ITGA11: variants seen among roughly 807,000 people sequenced by gnomAD.
ITGA11 encodes the protein integrin subunit alpha 11, also known as integrin alpha-11.
Under a neutral mutation model 141.9 loss-of-function variants are expected in ITGA11, and 97 were observed. That is an observed-to-expected ratio of 0.68 (90% CI 0.58 to 0.81). The LOEUF is 0.81. ITGA11 is among the 30% of genes least tolerant of loss of function. ITGA11 has a pLI of 0.00. For missense variants in ITGA11, 1,387 were observed against 1,559.2 expected, an observed-to-expected ratio of 0.89 and a Z score of 1.86; for synonymous variants, 658 against 624.6, an observed-to-expected ratio of 1.05 and a Z score of -0.80.
intron 1 of ITGA11, among the ~76,000 whole-genome samples, chr15:68,425,254 C>T (rs1039326829): frequency 2.0e-5 from 3 of 152,298 alleles, no homozygotes; most frequent in Non-Finnish European, 2.9e-5. Context: ...TGGCTGAGGG[C>T]CTCATGTTCA....
chr15:68,348,629 C>T (rs1042916279), intron 10 of ITGA11, among the ~76,000 whole-genome samples: 6 of 152,176 alleles, frequency 3.9e-5, no homozygotes, highest in Admixed American at 1.3e-4. Flanking sequence ...CTTAAGACAA[C>T]ATAAATAGGT....
intron 1 of ITGA11, among the ~76,000 whole-genome samples, chr15:68,426,462 TGGGGAGA>T (rs748213568): frequency 6.6e-6 from 1 of 151,756 alleles, no homozygotes; most frequent in Non-Finnish European, 1.5e-5. Context: ...CTGAGCTGGG[TGGGGAGA>T]GGGGAGAGGG....
chr15:68,397,331 T>TATA (rs1404290599), intron 2 of ITGA11, among the ~76,000 whole-genome samples: 1 of 33,036 alleles, frequency 3.0e-5, no homozygotes, highest in African/African-American at 1.6e-4. Context: ...TTATATATTA[T>TATA]TTATTATATA....
chr15:68,336,356 G>T (rs1043427096), intron 11 of ITGA11, among the ~76,000 whole-genome samples: 1 of 152,146 alleles, frequency 6.6e-6, no homozygotes, highest in Non-Finnish European at 1.5e-5. Context: ...GAAGGAGTTG[G>T]TCTGCTTCAG....
intron 18 of ITGA11, among the ~76,000 whole-genome samples, chr15:68,323,206 G>A (rs1168274059): frequency 6.6e-6 from 1 of 152,170 alleles, no homozygotes; most frequent in South Asian, 2.1e-4. Flanking sequence ...GGTAGCCAGC[G>A]AAGCCATATC....
At chr15:68,357,572 T>C (rs1302197539) in intron 6 of ITGA11, among the ~76,000 whole-genome samples, 1 of 152,164 alleles carries the variant, frequency 6.6e-6, no homozygotes, top group African/African-American at 2.4e-5. Flanking sequence ...TATGCTTCTT[T>C]CTTAGGAAAA....
Position 68,328,528 on chromosome 15 carries a change from C to T in ITGA11, c.1902-266G>A, listed in dbSNP as rs1380563729. On this transcript the variant is annotated intron_variant, in intron 15 of 29. Transcript: ENST00000315757. This position sits in a 1 kb window ranked among gnomAD's most constrained non-coding sequence, Gnocchi z 4.8. Reference sequence around the variant, plus strand: ...AGCACTTTCCCCGAGGGGCTGTGCTCGCTGTGGATCATGCTGACTTCCCTT... The same window carrying T: ...AGCACTTTCCCCGAGGGGCTGTGCTTGCTGTGGATCATGCTGACTTCCCTT... Among the ~76,000 whole-genome samples, 4 of 152,230 alleles carry T rather than the reference C, an allele frequency of 2.6e-5. No individual in the cohort carries two copies. In the South Asian group the frequency reaches 8.3e-4, roughly 32 times the overall value.
At chr15:68,363,703 C>T (rs948020059) in intron 4 of ITGA11, among the ~76,000 whole-genome samples, 10 of 152,192 alleles carry the variant, frequency 6.6e-5, no homozygotes, top group Non-Finnish European at 1.3e-4. Context: ...TCCTCTCCTG[C>T]AACTGTTTCT....
chr15:68,338,124 G>T (rs538089183), intron 11 of ITGA11, among the ~76,000 whole-genome samples: 1 of 152,242 alleles, frequency 6.6e-6, no homozygotes, highest in Non-Finnish European at 1.5e-5. Context: ...CCCCTTCTTT[G>T]GTTTCCTCAC....
chr15:68,328,157 C>G lies in ITGA11; in HGVS notation c.2007G>C (p.Leu669=). 6.2e-7 allele frequency: 1 copy of G among 1,613,754 alleles called. No homozygotes were observed. ...CKRSGRDATC[L]AAFLCFTPIF... is the part of the protein sequence containing the mutation. Reference sequence around the variant, plus strand: ...TGGGCGTGAAGCAGAGGAAGGCGGCCAGGCAGGTGGCATCCCTGCCACTGC... The same window carrying G: ...TGGGCGTGAAGCAGAGGAAGGCGGCGAGGCAGGTGGCATCCCTGCCACTGC... Residue 669 remains leucine, a synonymous_variant, in exon 16 of 30, where the codon CTG becomes CTC. Transcript: ENST00000315757. This position sits in a 1 kb window ranked among gnomAD's most constrained non-coding sequence, Gnocchi z 4.8.
chr15:68,319,705 G>C (rs953945776), intron 20 of ITGA11, among the ~76,000 whole-genome samples: 1 of 152,168 alleles, frequency 6.6e-6, no homozygotes, highest in Non-Finnish European at 1.5e-5. Context: ...TGGCACATGC[G>C]TGGTGTGTGT....
At chr15:68,416,497 C>G (rs1372859045) in intron 1 of ITGA11, among the ~76,000 whole-genome samples, 6 of 152,160 alleles carry the variant, frequency 3.9e-5, no homozygotes, top group Non-Finnish European at 2.9e-5. Context: ...AGATGTCAAG[C>G]TCAAGGAAAA....
chr15:68,357,318 G>T lies in ITGA11; in HGVS notation c.601-19C>A. Reference sequence around the variant, plus strand: ...CTCCAACCTGCAAGGGAGAGGAGAGGGCAACAGAACATTTTGACCCCATGA... The same window carrying T: ...CTCCAACCTGCAAGGGAGAGGAGAGTGCAACAGAACATTTTGACCCCATGA... On this transcript the variant is annotated intron_variant, in intron 6 of 29. Coordinates refer to ENST00000315757, the MANE Select transcript of ITGA11 (RefSeq NM_001004439.2). The T allele has an allele frequency of 6.2e-7, 1 of 1,604,490 alleles. No individual in the cohort carries two copies. Among genetic ancestry groups the T allele is most frequent in the Non-Finnish European group, 8.5e-7 (1 of 1,176,180 alleles).
chr15:68,360,138 G>A (rs1895195028), intron 5 of ITGA11, among the ~76,000 whole-genome samples: 1 of 152,140 alleles, frequency 6.6e-6, no homozygotes, highest in African/African-American at 2.4e-5. Context: ...TGACACTCCT[G>A]GCCTGGCAGA....
At chr15:68,415,846 C>T (rs535949387) in intron 1 of ITGA11, among the ~76,000 whole-genome samples, 1 of 152,302 alleles carries the variant, frequency 6.6e-6, no homozygotes, top group Non-Finnish European at 1.5e-5. Context: ...GATGTGGATG[C>T]TCAGAAAGAG....
chr15:68,405,922 A>C (rs950482829), intron 1 of ITGA11, among the ~76,000 whole-genome samples: 2 of 152,154 alleles, frequency 1.3e-5, no homozygotes, highest in Non-Finnish European at 2.9e-5. Flanking sequence ...GCACACACAC[A>C]CAGACACACA....
At chr15:68,408,641 G>T (rs1181285542) in intron 1 of ITGA11, among the ~76,000 whole-genome samples, 1 of 152,132 alleles carries the variant, frequency 6.6e-6, no homozygotes, top group African/African-American at 2.4e-5. Flanking sequence ...AGCTTCTGGA[G>T]GTGTGATTCT....
intron 2 of ITGA11, among the ~76,000 whole-genome samples, chr15:68,384,708 C>G (rs571921562): frequency 6.6e-6 from 1 of 152,216 alleles, no homozygotes; most frequent in Non-Finnish European, 1.5e-5. Context: ...AGTGACTTAT[C>G]CTTTAACCAG....
chr15:68,310,574 C>T (rs1893346865), intron 26 of ITGA11, among the ~76,000 whole-genome samples: 1 of 152,208 alleles, frequency 6.6e-6, no homozygotes, highest in Admixed American at 6.5e-5. Flanking sequence ...CAGGAGGCCC[C>T]AGCTGACGCA....
Sources: gnomAD v4.1 joint callset for allele counts (sites outside exome capture counted in the v4.1 genomes callset) on GRCh38, gnomAD v4.1.1 for gene constraint, Gnocchi (gnomAD v3.1) non-coding constraint, MANE v1.5 for transcripts, NCBI Gene and HGNC (gene_info 2026-07-23, HGNC 2026-07-21) for gene names.